Variants in PLEKHA5 observed in about 807,000 individuals in gnomAD.
The protein encoded by PLEKHA5 is pleckstrin homology domain containing A5.
A neutral mutation model predicts 181.9 loss-of-function variants in PLEKHA5; 55 were observed. The observed-to-expected ratio is 0.30, with a 90% CI of 0.24 to 0.38. The LOEUF is 0.38. PLEKHA5 is among the 10% of genes least tolerant of loss of function. PLEKHA5 has a pLI of 1.00. For missense variants in PLEKHA5, 1,432 were observed against 1,549.5 expected, an observed-to-expected ratio of 0.92 and a Z score of 1.27; for synonymous variants, 535 against 529.4, an observed-to-expected ratio of 1.01 and a Z score of -0.15.
intron 8 of PLEKHA5, among the ~76,000 whole-genome samples, chr12:19,268,497 T>C (rs1480609909): frequency 6.6e-6 from 1 of 152,252 alleles, no homozygotes; most frequent in Non-Finnish European, 1.5e-5. Flanking sequence ...ACTTTCTCTC[T>C]TCTGTGATGT....
chr12:19,215,367 G>A (rs549231934), intron 3 of PLEKHA5, among the ~76,000 whole-genome samples: 3 of 152,100 alleles, frequency 2.0e-5, no homozygotes, highest in Non-Finnish European at 2.9e-5. Flanking sequence ...GAATCCAGAC[G>A]CTGAGTAACT....
chr12:19,325,008 ATAAAT>A (rs768807563), intron 20 of PLEKHA5, among the ~76,000 whole-genome samples: 17 of 152,368 alleles, frequency 1.1e-4, no homozygotes, highest in Admixed American at 1.3e-4. Flanking sequence ...ACTGGGATTA[ATAAAT>A]TAAATCTCAT....
intron 3 of PLEKHA5, among the ~76,000 whole-genome samples, chr12:19,203,847 A>AT (rs34168316): frequency 0.84 from 127,347 of 151,856 alleles, 54,850 homozygotes; most frequent in Non-Finnish European, 0.95. Context: ...TCACAGTTAG[A>AT]TTTTTTATTT....
intron 15 of PLEKHA5, among the ~76,000 whole-genome samples, chr12:19,300,470 A>T (rs959126224): frequency 6.6e-6 from 1 of 152,240 alleles, no homozygotes; most frequent in Non-Finnish European, 1.5e-5. Context: ...GTAGCTCATT[A>T]TACCAGGCTT....
chr12:19,364,968 C>G (rs1011779162), intron 29 of PLEKHA5, among the ~76,000 whole-genome samples: 1 of 152,116 alleles, frequency 6.6e-6, no homozygotes, highest in Non-Finnish European at 1.5e-5. Flanking sequence ...CCACACTGAT[C>G]ATTTTTAACA....
chr12:19,176,706 C>CAGTTTTGAG (rs2047338580), intron 3 of PLEKHA5: 1 of 152,104 alleles, frequency 6.6e-6, no homozygotes. Context: ...AAGAGGAAAT[C>CAGTTTTGAG]ACCTTCTTAT....
At chr12:19,195,642 C>T (rs1049935448) in intron 3 of PLEKHA5, among the ~76,000 whole-genome samples, 2 of 139,090 alleles carry the variant, frequency 1.4e-5, no homozygotes, top group African/African-American at 2.7e-5. Context: ...CATTGCACTC[C>T]AGCCTGGGTG....
chr12:19,274,713 A>G lies in PLEKHA5; in HGVS notation c.1043A>G (p.Asn348Ser), dbSNP rs184572011. The G allele has an allele frequency of 2.5e-6, 4 of 1,614,158 alleles. No homozygotes were observed. Among genetic ancestry groups the G allele is most frequent in the East Asian group, 2.2e-5 (1 of 44,882 alleles). The change falls in exon 11 of 32, where the codon AAT (asparagine) becomes AGT (serine). Residue 348 changes from asparagine (N) to serine (S), a missense_variant. By Grantham distance (46) the Asn-to-Ser change is conservative. Transcript: ENST00000429027. Reference sequence around the variant, plus strand: ...CAAGATAGACCCTTAACAAAAATTAATAGTGTAAAGCTGAATTCTCTGCCA... The same window carrying G: ...CAAGATAGACCCTTAACAAAAATTAGTAGTGTAAAGCTGAATTCTCTGCCA... Reference protein sequence around the residue: ...DGQDRPLTKINSVKLNSLPSE... With the variant: ...DGQDRPLTKISSVKLNSLPSE...
chr12:19,342,473 A>G (rs999620259), intron 21 of PLEKHA5, among the ~76,000 whole-genome samples: 2 of 152,068 alleles, frequency 1.3e-5, no homozygotes, highest in African/African-American at 4.8e-5. Context: ...CCTGGCCAAC[A>G]TGGTGAAACC....
chr12:19,346,988 CT>C lies in PLEKHA5; in HGVS notation c.2710-3del. ...CTAAATAAGGTGACTGTTCTACAAT[CT>C]TTAGGAAGAGGAAGTAGTCCCACCT... On this transcript the variant is annotated splice_region_variant and splice_polypyrimidine_tract_variant and intron_variant, in intron 23 of 31. Coordinates refer to ENST00000429027, the MANE Select transcript of PLEKHA5 (RefSeq NM_001256470.2). 6.5e-7 allele frequency: 1 copy of C among 1,540,132 alleles called. No individual in the cohort carries two copies. Among genetic ancestry groups the C allele is most frequent in the Non-Finnish European group, 8.8e-7 (1 of 1,139,034 alleles).
At chr12:19,283,015 T>C (rs528989152) in intron 11 of PLEKHA5, among the ~76,000 whole-genome samples, 2 of 151,702 alleles carry the variant, frequency 1.3e-5, no homozygotes, top group East Asian at 3.9e-4. Flanking sequence ...GGCATGGTGG[T>C]GGATGCCTGT....
chr12:19,317,165 G>A (rs368719941), intron 16 of PLEKHA5, among the ~76,000 whole-genome samples: 4 of 152,156 alleles, frequency 2.6e-5, no homozygotes, highest in African/African-American at 9.6e-5. Flanking sequence ...CCAGGAGTTT[G>A]AGACTAGCCT....
intron 30 of PLEKHA5, among the ~76,000 whole-genome samples, chr12:19,366,447 G>A (rs961609223): frequency 6.6e-6 from 1 of 152,126 alleles, no homozygotes; most frequent in Non-Finnish European, 1.5e-5. Context: ...GAGGTCAGGG[G>A]TTCAAGACCA....
intron 3 of PLEKHA5, 132 bp downstream of exon 3, chr12:19,132,582 A>G (rs2034252962): frequency 1.7e-6 from 1 of 586,862 alleles, no homozygotes; most frequent in South Asian, 2.2e-5. Flanking sequence ...TGTATTCTTT[A>G]TTTTGTATAG....
At chr12:19,319,882 A>G (rs963447966) in intron 16 of PLEKHA5, 139 bp from the exon 17 acceptor site, 2 of 515,056 alleles carry the variant, frequency 3.9e-6, no homozygotes, top group African/African-American at 2.0e-5. Flanking sequence ...AGTAACATAA[A>G]TGGAGTCAAC....
Position 19,274,654 on chromosome 12 carries a change from A to G in PLEKHA5, c.984A>G (p.Leu328=), listed in dbSNP as rs1473488462. ...GCAAAATTGAAGAAAAAAAGGCATT[A>G]GAAGCTGAAAAATATGGATTTCAGA... The part of the protein sequence containing the change: ...EMSKIEEKKA[L]EAEKYGFQKD... The change falls in exon 11 of 32, where the codon TTA becomes TTG. Residue 328 remains leucine (L), a synonymous_variant. Coordinates refer to ENST00000429027, the MANE Select transcript of PLEKHA5 (RefSeq NM_001256470.2). 1 of 1,613,976 alleles carries G rather than the reference A, an allele frequency of 6.2e-7. No individual in the cohort carries two copies. The highest frequency in any genetic ancestry group is 1.1e-5 in the South Asian group (1 of 91,076).
intron 3 of PLEKHA5, among the ~76,000 whole-genome samples, chr12:19,228,866 A>C (rs2060047409): frequency 6.6e-6 from 1 of 152,220 alleles, no homozygotes; most frequent in South Asian, 2.1e-4. Flanking sequence ...CAAATGAAAA[A>C]TCTATTAGCC....
chr12:19,342,791 A>T (rs2094041585), intron 21 of PLEKHA5, among the ~76,000 whole-genome samples: 1 of 152,156 alleles, frequency 6.6e-6, no homozygotes, highest in African/African-American at 2.4e-5. Context: ...AAAAATAAAA[A>T]TAAAAAAATA....
At chr12:19,371,998 G>C (rs1425099076) in intron 31 of PLEKHA5, 1 of 152,022 alleles carries the variant, frequency 6.6e-6, no homozygotes, top group South Asian at 2.1e-4. Flanking sequence ...TTAAATTATG[G>C]CCATTCTTTT....
Sources: allele counts gnomAD v4.1 joint callset (sites outside exome capture counted in the v4.1 genomes callset), GRCh38; gene constraint gnomAD v4.1.1; transcripts MANE v1.5; gene names NCBI Gene and HGNC (gene_info 2026-07-23, HGNC 2026-07-21).